NPTN: variants seen among roughly 807,000 people sequenced by gnomAD.
NPTN encodes neuroplastin.
In NPTN, 5 loss-of-function variants were observed where a neutral mutation model predicts 42.7. The observed-to-expected ratio is 0.12, with a 90% CI of 0.06 to 0.25. NPTN has a LOEUF of 0.25. NPTN is among the 10% of genes least tolerant of loss of function. The pLI is 1.00. For synonymous variants in NPTN, 180 were observed against 201.9 expected, an observed-to-expected ratio of 0.89 and a Z score of 0.92; for missense variants, 307 against 525.4, an observed-to-expected ratio of 0.58 and a Z score of 4.06.
intron 4 of NPTN, among the ~76,000 whole-genome samples, chr15:73,582,304 A>G (rs1167049607): frequency 1.3e-5 from 2 of 152,138 alleles, no homozygotes; most frequent in African/African-American, 4.8e-5. Flanking sequence ...TCCCAAAAAC[A>G]CCTATCTTTG....
rs192042913 is a variant in NPTN at position 73,577,484 on chromosome 15, C to T, written c.707-3689G>A. On this transcript the variant is annotated intron_variant, in intron 4 of 8. Coordinates refer to ENST00000345330, the MANE Select transcript of NPTN (RefSeq NM_012428.4). ...TTCTAACCTCCAAGCTGTCCTTGTT[C>T]ACTCCTGGGCGCAGGCTGAACTAAC... Among the ~76,000 whole-genome samples, 522 of 152,332 alleles carry T rather than the reference C, an allele frequency of 3.4e-3. 2 individuals are homozygous for T. Among genetic ancestry groups the T allele is most frequent in the Non-Finnish European group, 5.5e-3 (372 of 68,034 alleles).
Position 73,592,052 on chromosome 15 carries a change from G to C in NPTN, c.525C>G (p.Ser175Arg). 1 of 1,614,114 alleles carries C rather than the reference G, an allele frequency of 6.2e-7. No individual in the cohort carries two copies. The highest frequency in any genetic ancestry group is 8.5e-7 in the Non-Finnish European group (1 of 1,179,996). ...AGTAGCTGTATGTAAGGGTGTGAGA[G>C]CTGGAGGTGAGGTTACACTGCAGGG... ...PVTLQCNLTS[S>R]SHTLTYSYWT... The change falls in exon 3 of 9, where the codon AGC becomes AGG. Residue 175 changes from serine (S) to arginine (R), a missense_variant. Ser to Arg is a moderately radical substitution (Grantham distance 110). Around this residue, in one of 2 missense-constraint regions of NPTN, gnomAD observed 264 missense variants for 491.1 expected, o/e 0.54. Transcript: ENST00000345330.
chr15:73,621,003 C>A (rs1444859367), intron 1 of NPTN, among the ~76,000 whole-genome samples: 1 of 152,020 alleles, frequency 6.6e-6, no homozygotes, highest in Non-Finnish European at 1.5e-5. Flanking sequence ...ATTGTTTTTT[C>A]TTCAATAACA....
rs2141358231 is a variant in NPTN, at chr15:73,569,687, GCAAC to G, written c.1114+459_1114+462del. ...CAGTTACCTACAGGGGCTACACCAG[GCAAC>G]CATGTGACAACCAGTTAGATACCTT... On this transcript the variant is annotated intron_variant, in intron 6 of 8. Coordinates refer to ENST00000345330, the MANE Select transcript of NPTN (RefSeq NM_012428.4). This position sits in a 1 kb window ranked among gnomAD's most constrained non-coding sequence, Gnocchi z 4.1. 1 of 985,466 alleles carries G rather than the reference GCAAC, an allele frequency of 1.0e-6. No individual in the cohort carries two copies. The highest frequency in any genetic ancestry group is 1.1e-4 in the East Asian group (1 of 8,814). 61.0% of individuals were successfully genotyped at this position (985,466 alleles called of 1,614,324 possible). A position where few individuals can be genotyped will look rare whatever the true frequency, so the allele number is the denominator to read the frequency against.
chr15:73,575,809 G>A (rs1595905541), intron 4 of NPTN, among the ~76,000 whole-genome samples: 1 of 152,230 alleles, frequency 6.6e-6, no homozygotes, highest in Non-Finnish European at 1.5e-5. Context: ...GCACCTGGAT[G>A]GGCATGCACT....
At chr15:73,573,853 G>C (rs1877018540) in intron 4 of NPTN, 58 bp from the exon 5 acceptor site, 20 of 1,584,398 alleles carry the variant, frequency 1.3e-5, no homozygotes, top group Non-Finnish European at 2.6e-6. Context: ...AGGATACAAA[G>C]GCCCCACCTT....
intron 1 of NPTN, among the ~76,000 whole-genome samples, chr15:73,611,811 G>A (rs1880937224): frequency 6.6e-6 from 1 of 152,140 alleles, no homozygotes; most frequent in African/African-American, 2.4e-5. Flanking sequence ...TACCACTCTG[G>A]TGGGAATGTG....
Position 73,625,616 on chromosome 15 carries a change from C to G in NPTN, c.91+7509G>C, listed in dbSNP as rs1320269233. Among the ~76,000 whole-genome samples, 5 of 152,184 alleles carry G rather than the reference C, an allele frequency of 3.3e-5. No individual in the cohort carries two copies. In the East Asian group the frequency reaches 9.6e-4, roughly 29 times the overall value. On this transcript the variant is annotated intron_variant, in intron 1 of 8. Transcript: ENST00000345330. The stretch of plus-strand genomic sequence containing the variant: ...AAAGTGCTGGGATTACAGGAGTGAG[C>G]CACCGCGTCCGGCCAAGAGCTTTAT...
At chr15:73,599,384 G>C (rs1896975312) in intron 1 of NPTN, 1 of 153,688 alleles carries the variant, frequency 6.5e-6, no homozygotes, top group Non-Finnish European at 1.4e-5. Flanking sequence ...GGGAGGCTGA[G>C]GCGGGAGGAT....
At chr15:73,620,866 T>C (rs935613499) in intron 1 of NPTN, among the ~76,000 whole-genome samples, 9 of 152,228 alleles carry the variant, frequency 5.9e-5, no homozygotes, top group South Asian at 2.1e-4. Context: ...TTTTCTAATA[T>C]AAACAATGGG....
Position 73,571,573 on chromosome 15 carries a change from C to A in NPTN, c.841-1150G>T, listed in dbSNP as rs189936602. 2.6e-5 allele frequency among the ~76,000 whole-genome samples: 4 copies of A among 152,232 alleles called. No homozygotes were observed. In the East Asian group the frequency reaches 7.7e-4, roughly 29 times the overall value. On this transcript the variant is annotated intron_variant, in intron 5 of 8. Transcript: ENST00000345330. ...ATTTGCACTAGACTGTGGAGGAGGA[C>A]AGCTGATCAAACAGGGAGGAGCAGT...
chr15:73,584,562 T>C (rs1205391095), intron 4 of NPTN, among the ~76,000 whole-genome samples: 1 of 152,036 alleles, frequency 6.6e-6, no homozygotes, highest in African/African-American at 2.4e-5. Flanking sequence ...AGGACAGAGA[T>C]GCCCTCCTCA....
At chr15:73,607,648 C>T (rs1897352933) in intron 1 of NPTN, among the ~76,000 whole-genome samples, 1 of 152,176 alleles carries the variant, frequency 6.6e-6, no homozygotes, top group African/African-American at 2.4e-5. Context: ...TAACCGTAGT[C>T]CTAGTCTTCC....
intron 4 of NPTN, among the ~76,000 whole-genome samples, chr15:73,582,412 G>C (rs1896096354): frequency 6.6e-6 from 1 of 152,180 alleles, no homozygotes; most frequent in Non-Finnish European, 1.5e-5. Flanking sequence ...GATCAGTCAA[G>C]ACAGAAGCAA....
In NPTN at chr15:73,569,293, A is replaced by G; in HGVS notation, c.1114+857T>C. On this transcript the variant is annotated intron_variant, in intron 6 of 8. Coordinates refer to ENST00000345330, the MANE Select transcript of NPTN (RefSeq NM_012428.4). This position sits in a 1 kb window ranked among gnomAD's most constrained non-coding sequence, Gnocchi z 4.1. ...CATCAGCAGCTTCCCCCTTCACAGGAAAAATCGATCACCAAAAATTTCCCA... is the reference window on the plus strand; with the variant it reads ...CATCAGCAGCTTCCCCCTTCACAGGGAAAATCGATCACCAAAAATTTCCCA... The G allele has an allele frequency of 7.1e-6, 7 of 985,618 alleles. No individual in the cohort carries two copies. The highest frequency in any genetic ancestry group is 8.4e-6 in the Non-Finnish European group (7 of 830,062). 61.1% of individuals were successfully genotyped at this position (985,618 alleles called of 1,614,324 possible).
chr15:73,630,747 C>G (rs1041523827), intron 1 of NPTN, among the ~76,000 whole-genome samples: 1 of 152,202 alleles, frequency 6.6e-6, no homozygotes, highest in African/African-American at 2.4e-5. Context: ...ACATCATGCA[C>G]AAGCAAGGTA....
chr15:73,604,382 G>A (rs1172714771), intron 1 of NPTN, among the ~76,000 whole-genome samples: 1 of 152,178 alleles, frequency 6.6e-6, no homozygotes, highest in Non-Finnish European at 1.5e-5. Context: ...CCTGAGTCCA[G>A]GAAGTTGAGG....
intron 1 of NPTN, among the ~76,000 whole-genome samples, chr15:73,603,215 A>G (rs1439479076): frequency 1.3e-5 from 2 of 152,240 alleles, no homozygotes; most frequent in African/African-American, 4.8e-5. Context: ...ACATAGCTTA[A>G]AACAGTACCT....
chr15:73,590,884 T>C (rs568312992), intron 3 of NPTN, among the ~76,000 whole-genome samples: 24 of 152,170 alleles, frequency 1.6e-4, no homozygotes, highest in African/African-American at 5.1e-4. Context: ...ATGAGGAAAA[T>C]TGCTGAGGCT....
Sources: gnomAD v4.1 joint callset for allele counts (sites outside exome capture counted in the v4.1 genomes callset) on GRCh38, gnomAD v4.1.1 for gene constraint, gnomAD v4.1.1 regional missense constraint, Gnocchi (gnomAD v3.1) non-coding constraint, MANE v1.5 for transcripts, NCBI Gene and HGNC (gene_info 2026-07-23, HGNC 2026-07-21) for gene names.